Variants in ATP1A3 observed in about 807,000 individuals in gnomAD.
The protein encoded by ATP1A3 is ATPase Na+/K+ transporting subunit alpha 3.
Under a neutral mutation model 108.8 loss-of-function variants are expected in ATP1A3, and 12 were observed. The ratio of observed to expected loss-of-function variants is 0.11; its 90% confidence interval spans 0.07 to 0.18. ATP1A3 has a LOEUF of 0.18. Ranked by LOEUF, ATP1A3 falls within the 10% of genes least tolerant of loss-of-function variation. The probability of loss-of-function intolerance (pLI) is 1.00; values close to 1 mark genes in which losing one functional copy is unlikely to be tolerated. For missense variants in ATP1A3, 498 were observed against 1,387.7 expected (o/e 0.36, Z 10.19); for synonymous variants, 539 against 564.5 (o/e 0.95, Z 0.64).
At chr19:41,991,343 C>A (rs1489391247) in intron 1 of ATP1A3, among the ~76,000 whole-genome samples, 3 of 137,774 alleles carry the variant, frequency 2.2e-5, no homozygotes, top group Non-Finnish European at 4.7e-5. Flanking sequence ...CTGGGAGCCT[C>A]AAGAAGGGGT....
At chr19:41,973,052 A>G (rs2075130774) in intron 16 of ATP1A3, among the ~76,000 whole-genome samples, 1 of 152,086 alleles carries the variant, frequency 6.6e-6, no homozygotes. Flanking sequence ...TCCACAAACT[A>G]GGGGTTTCTC....
intron 1 of ATP1A3, chr19:41,993,710 C>T (rs2075362027): frequency 3.3e-6 from 2 of 601,110 alleles, no homozygotes; most frequent in Non-Finnish European, 5.8e-6. Flanking sequence ...GACGCGATCG[C>T]AGACTTTCAG....
At chr19:41,976,700 G>T in intron 14 of ATP1A3, 134 bp from the exon 15 acceptor site, 1 of 1,308,506 alleles carries the variant, frequency 7.6e-7, no homozygotes, top group Non-Finnish European at 1.1e-6. Context: ...TGGGGGAAGA[G>T]GCCTCTGGGA....
intron 16 of ATP1A3, among the ~76,000 whole-genome samples, chr19:41,970,749 A>G (rs377293735): frequency 8.7e-4 from 128 of 146,848 alleles, no homozygotes; most frequent in African/African-American, 3.2e-3. Flanking sequence ...CTCCTGCCTC[A>G]GCCTCCCGAG....
In ATP1A3 at chr19:41,967,210, C is replaced by T. The variant is rs781937186; in HGVS notation, c.3013+39G>A. 2.0e-5 allele frequency: 32 copies of T among 1,613,198 alleles called. 1 individual carries two copies. Among genetic ancestry groups the T allele is most frequent in the Non-Finnish European group, 5.9e-6 (7 of 1,179,668 alleles). ...GGACCAGCTGCCTGAGACCCTGCTGCCCCCCGCCCCCCTCGGCTGCCTTGC... is the reference window on the plus strand; with the variant it reads ...GGACCAGCTGCCTGAGACCCTGCTGTCCCCCGCCCCCCTCGGCTGCCTTGC... On this transcript the variant is annotated intron_variant, in intron 22 of 22. Transcript: ENST00000648268. This position sits in a 1 kb window ranked among gnomAD's most constrained non-coding sequence, Gnocchi z 4.2.
chr19:41,988,041 C>T lies in ATP1A3; in HGVS notation c.252G>A (p.Arg84=), dbSNP rs2075302560. 6.2e-7 allele frequency: 1 copy of T among 1,614,036 alleles called. No homozygotes were observed. Among genetic ancestry groups the T allele is most frequent in the Non-Finnish European group, 8.5e-7 (1 of 1,180,034 alleles). ...PTTPEWVKFC[R]QLFGGFSILL... is the part of the protein sequence containing the mutation. Reference sequence around the variant, plus strand: ...GGATGGAGAAGCCCCCGAAGAGCTGCCGGCAAAACTTGACCCACTCTGGGG... The same window carrying T: ...GGATGGAGAAGCCCCCGAAGAGCTGTCGGCAAAACTTGACCCACTCTGGGG... Residue 84 remains arginine (R), a synonymous_variant, in exon 4 of 23, where the codon CGG becomes CGA. Coordinates refer to ENST00000648268, the MANE Select transcript of ATP1A3 (RefSeq NM_152296.5). This position sits in a 1 kb window ranked among gnomAD's most constrained non-coding sequence, Gnocchi z 5.3.
At position 41,967,355 on chromosome 19, in the gene ATP1A3, G is replaced by C; in HGVS notation, c.2922-15C>G. 1 of 1,603,676 alleles carries C rather than the reference G, an allele frequency of 6.2e-7. No homozygotes were observed. Among genetic ancestry groups the C allele is most frequent in the Non-Finnish European group, 8.5e-7 (1 of 1,179,402 alleles). The stretch of plus-strand genomic sequence containing the variant: ...ACCAGCTGGGCCTGCAGAGGGGAGA[G>C]CAGGAGGGCTTGAGTGCGGGGCCCT... On this transcript the variant is annotated splice_polypyrimidine_tract_variant and intron_variant, in intron 21 of 22. Transcript: ENST00000648268. The surrounding 1 kb of genome is among the most constrained non-coding windows in gnomAD (Gnocchi z 4.2).
Position 41,985,296 on chromosome 19 carries a change from C to A in ATP1A3, c.724+10G>T. 1 of 1,614,060 alleles carries A rather than the reference C, an allele frequency of 6.2e-7. No homozygotes were observed. The highest frequency in any genetic ancestry group is 1.3e-5 in the African/African-American group (1 of 75,048). On this transcript the variant is annotated intron_variant, in intron 7 of 22. Transcript: ENST00000648268. This position sits in a 1 kb window ranked among gnomAD's most constrained non-coding sequence, Gnocchi z 8.2. ...GCCCCAGCTGTGTGTCTTCTCTGCA[C>A]CCGCCTCACCTTCCACACAGTTGGT... is the stretch of plus-strand genomic sequence containing the variant.
intron 16 of ATP1A3, among the ~76,000 whole-genome samples, chr19:41,972,306 G>A (rs2075118176): frequency 6.6e-6 from 1 of 151,262 alleles, no homozygotes; most frequent in African/African-American, 2.4e-5. Context: ...TCGAGCCTGT[G>A]GTCGCAGCTA....
rs1555859610 is a variant in ATP1A3, at chr19:41,970,528, C to T, written c.2278G>A (p.Asp760Asn). The T allele has an allele frequency of 3.7e-6, 6 of 1,613,324 alleles. No homozygotes were observed. Among genetic ancestry groups the T allele is most frequent in the South Asian group, 3.3e-5 (3 of 91,070 alleles). Residue 760 changes from aspartate (D) to asparagine (N), a missense_variant, in exon 17 of 23, where the codon GAC becomes AAC. This residue lies in a region of ATP1A3 where 121 missense variants were observed against 425.1 expected (regional missense o/e 0.28). Coordinates refer to ENST00000648268, the MANE Select transcript of ATP1A3 (RefSeq NM_152296.5). ...TGVEEGRLIF[D>N]NLKKSIAYTL... ...TAGGCAATGGACTTCTTTAGGTTGT[C>T]GAAGATCAGGCGGCCTGTGGCACAG...
chr19:41,972,858 GA>G (rs1555860223), intron 16 of ATP1A3, among the ~76,000 whole-genome samples: 1 of 127,370 alleles, frequency 7.9e-6, no homozygotes, highest in African/African-American at 3.1e-5. Flanking sequence ...AGGAAGGAAG[GA>G]AAGAAGGAAG....
chr19:41,978,911 G>A lies in ATP1A3; in HGVS notation c.1438-113C>T. On this transcript the variant is annotated intron_variant, in intron 11 of 22. Coordinates refer to ENST00000648268, the MANE Select transcript of ATP1A3 (RefSeq NM_152296.5). This position sits in a 1 kb window ranked among gnomAD's most constrained non-coding sequence, Gnocchi z 8.3. ...GGTGCCAGGATAGGCCCACACCAGG[G>A]CTCCCCCACACTCTCTCACAGAGAC... 1.0e-6 allele frequency: 1 copy of A among 965,262 alleles called. No individual in the cohort carries two copies. The highest frequency in any genetic ancestry group is 1.5e-5 in the South Asian group (1 of 66,308). The allele number at this position is 965,262 out of a possible 1,614,324, so 59.8% of individuals were successfully genotyped here.
chr19:41,969,587 G>A lies in ATP1A3; in HGVS notation c.2543-7C>T. 6.2e-7 allele frequency: 1 copy of A among 1,613,580 alleles called. No homozygotes were observed. The highest frequency in any genetic ancestry group is 8.5e-7 in the Non-Finnish European group (1 of 1,180,020). On this transcript the variant is annotated splice_region_variant and splice_polypyrimidine_tract_variant and intron_variant, in intron 18 of 22. Coordinates refer to ENST00000648268, the MANE Select transcript of ATP1A3 (RefSeq NM_152296.5). Reference sequence around the variant, plus strand: ...CCGAGAGCCTGGATCATTCCTGGAAGGAGGAGAGAGGAAGCCGAGGAGAGG... The same window carrying A: ...CCGAGAGCCTGGATCATTCCTGGAAAGAGGAGAGAGGAAGCCGAGGAGAGG...
Position 41,967,834 on chromosome 19 carries a change from G to T in ATP1A3, c.2820-71C>A, listed in dbSNP as rs996107463. 5 of 1,399,302 alleles carry T rather than the reference G, an allele frequency of 3.6e-6. No individual in the cohort carries two copies. The African/African-American group carries it at 5.7e-5, about 16-fold the overall frequency. The allele number at this position is 1,399,302 out of a possible 1,614,324, so 86.7% of individuals were successfully genotyped here. A position where few individuals can be genotyped will look rare whatever the true frequency, so the allele number is the denominator to read the frequency against. ...TGCACCTGCCACCCCGCAGAGACAG[G>T]GGGAGGCACAGTGCAGACACCCAGA... On this transcript the variant is annotated intron_variant, in intron 20 of 22. Transcript: ENST00000648268. This position sits in a 1 kb window ranked among gnomAD's most constrained non-coding sequence, Gnocchi z 4.2.
chr19:41,988,150 G>A lies in ATP1A3; in HGVS notation c.154-11C>T, dbSNP rs2075303534. Reference sequence around the variant, plus strand: ...GCTGTGGGTCAAACCCTGAGGGACAGAGGACTCACACAGAACCCTCCCTGG... The same window carrying A: ...GCTGTGGGTCAAACCCTGAGGGACAAAGGACTCACACAGAACCCTCCCTGG... On this transcript the variant is annotated splice_polypyrimidine_tract_variant and intron_variant, in intron 3 of 22. Transcript: ENST00000648268. The surrounding 1 kb of genome is among the most constrained non-coding windows in gnomAD (Gnocchi z 5.3). 2 of 1,614,142 alleles carry A rather than the reference G, an allele frequency of 1.2e-6. No individual in the cohort carries two copies. The highest frequency in any genetic ancestry group is 8.5e-7 in the Non-Finnish European group (1 of 1,180,016).
intron 1 of ATP1A3, among the ~76,000 whole-genome samples, chr19:41,990,201 GTCTC>G (rs1221281223): frequency 1.3e-5 from 2 of 151,396 alleles, no homozygotes; most frequent in African/African-American, 2.4e-5. Context: ...ACCTCTCTCT[GTCTC>G]TCTCTCTGTC....
intron 11 of ATP1A3, among the ~76,000 whole-genome samples, chr19:41,980,638 G>A (rs1030332855): frequency 2.0e-5 from 3 of 151,000 alleles, no homozygotes; most frequent in Admixed American, 6.6e-5. Flanking sequence ...GAGGCCGGGC[G>A]CGGTGGCTCA....
At chr19:41,992,053 G>A (rs1304849834) in intron 1 of ATP1A3, among the ~76,000 whole-genome samples, 9 of 144,574 alleles carry the variant, frequency 6.2e-5, no homozygotes, top group Admixed American at 6.0e-4. Context: ...GGAGGGGCTG[G>A]GGCCTGGACT....
intron 16 of ATP1A3, among the ~76,000 whole-genome samples, chr19:41,972,800 GAAGGGGAAGGAA>G (rs201888339): frequency 2.9e-5 from 4 of 137,256 alleles, no homozygotes; most frequent in African/African-American, 1.1e-4. Flanking sequence ...AGGAAGGAAG[GAAGGGGAAGGAA>G]GGAAGGAAGG....
Sources: gnomAD v4.1 joint callset for allele counts (sites outside exome capture counted in the v4.1 genomes callset) on GRCh38, gnomAD v4.1.1 for gene constraint, gnomAD v4.1.1 regional missense constraint, Gnocchi (gnomAD v3.1) non-coding constraint, MANE v1.5 for transcripts, NCBI Gene and HGNC (gene_info 2026-07-23, HGNC 2026-07-21) for gene names.